The following TRIM71 variants were observed in gnomAD, a reference collection of about 807,000 sequenced individuals.
TRIM71 encodes tripartite motif containing 71.
In TRIM71, 9 loss-of-function variants were observed where a neutral mutation model predicts 61.2. That is an observed-to-expected ratio of 0.15 (90% CI 0.09 to 0.26). The LOEUF (loss-of-function observed/expected upper bound fraction) is 0.26. TRIM71 is among the 10% of genes least tolerant of loss of function. TRIM71 has a pLI of 1.00. For missense variants in TRIM71, 998 were observed against 1,238.7 expected, an observed-to-expected ratio of 0.81 and a Z score of 2.92; for synonymous variants, 645 against 553.2, an observed-to-expected ratio of 1.17 and a Z score of -2.33.
chr3:32,861,181 T>C (rs1263894608), intron 1 of TRIM71, among the ~76,000 whole-genome samples: 1 of 150,942 alleles, frequency 6.6e-6, no homozygotes, highest in Non-Finnish European at 1.5e-5. Context: ...ATAAAGTAAA[T>C]AATCTTTTTT....
intron 2 of TRIM71, among the ~76,000 whole-genome samples, chr3:32,882,130 T>G (rs1326682276): frequency 6.9e-6 from 1 of 144,298 alleles, no homozygotes; most frequent in Non-Finnish European, 1.6e-5. Flanking sequence ...GGTGTTTTTG[T>G]TTTTTTATTT....
chr3:32,833,184 T>TAAAAAAAAAAAAAAAAAAAAAAAAAA lies in TRIM71; in HGVS notation c.852+14255_852+14280dup, dbSNP rs1182178339. On this transcript the variant is annotated intron_variant, in intron 1 of 3. Coordinates refer to ENST00000383763, the MANE Select transcript of TRIM71 (RefSeq NM_001039111.3). ...GGTGACAAGAATGAAACTCTGTCTT[T>TAAAAAAAAAAAAAAAAAAAAAAAAAA]AAAAAAAAAAAAAAAAAAAAAAAAA... Among the ~76,000 whole-genome samples the TAAAAAAAAAAAAAAAAAAAAAAAAAA allele has an allele frequency of 5.1e-4, 28 of 54,430 alleles. 1 individual carries two copies. Among genetic ancestry groups the TAAAAAAAAAAAAAAAAAAAAAAAAAA allele is most frequent in the East Asian group, 8.6e-4 (1 of 1,158 alleles). 35.7% of individuals were successfully genotyped at this position (54,430 alleles called of 152,430 possible).
chr3:32,856,920 C>G (rs1033181308), intron 1 of TRIM71, among the ~76,000 whole-genome samples: 2 of 152,160 alleles, frequency 1.3e-5, no homozygotes, highest in Non-Finnish European at 2.9e-5. Context: ...CCACCACCAC[C>G]CCGAGAGGAA....
chr3:32,876,365 C>G (rs888975502), intron 2 of TRIM71, among the ~76,000 whole-genome samples: 2 of 152,194 alleles, frequency 1.3e-5, no homozygotes, highest in Admixed American at 6.5e-5. Flanking sequence ...GGGTAGATCA[C>G]CTGAGGTCAG....
chr3:32,887,766 A>G (rs937157119), intron 3 of TRIM71, among the ~76,000 whole-genome samples: 1 of 152,132 alleles, frequency 6.6e-6, no homozygotes, highest in Non-Finnish European at 1.5e-5. Context: ...TAATGGGCAA[A>G]TATTCTTTAA....
Position 32,893,788 on chromosome 3 carries a change from T to C in TRIM71, c.*1977T>C, listed in dbSNP as rs1375679630. 2 of 152,156 alleles carry C rather than the reference T, an allele frequency of 1.3e-5. No individual in the cohort carries two copies. The highest frequency in any genetic ancestry group is 2.9e-5 in the Non-Finnish European group (2 of 68,022). 9.4% of individuals were successfully genotyped at this position (152,156 alleles called of 1,614,324 possible). On this transcript the variant is annotated 3_prime_UTR_variant, in exon 4 of 4. Coordinates refer to ENST00000383763, the MANE Select transcript of TRIM71 (RefSeq NM_001039111.3). The stretch of plus-strand genomic sequence containing the variant: ...CACCTCTTTTGGACGTTTAATTTAC[T>C]ACTACTACAAGCTACTCTGTCTCTT...
chr3:32,822,629 A>G (rs1030589489), intron 1 of TRIM71, among the ~76,000 whole-genome samples: 13 of 151,908 alleles, frequency 8.6e-5, no homozygotes, highest in African/African-American at 2.4e-4. Context: ...TCAGGTCTGC[A>G]TATACTCAGT....
rs1697057543 is a variant in TRIM71, at chr3:32,894,308, G to A, written c.*2497G>A. The A allele has an allele frequency of 6.6e-6, 1 of 152,088 alleles. No homozygotes were observed. The highest frequency in any genetic ancestry group is 6.5e-5 in the Admixed American group (1 of 15,268). The allele number at this position is 152,088 out of a possible 1,614,324, so 9.4% of individuals were successfully genotyped here. On this transcript the variant is annotated 3_prime_UTR_variant, in exon 4 of 4. Coordinates refer to ENST00000383763, the MANE Select transcript of TRIM71 (RefSeq NM_001039111.3). ...TTTCTTTCTAATTTCCCCAGATGTA[G>A]GAAAATTTTGGGACCTGAATGAGAA...
rs1697068456 is a variant in TRIM71, at chr3:32,895,524, C to G, written c.*3713C>G. 1 of 152,172 alleles carries G rather than the reference C, an allele frequency of 6.6e-6. No homozygotes were observed. Among genetic ancestry groups the G allele is most frequent in the Non-Finnish European group, 1.5e-5 (1 of 68,030 alleles). 9.4% of individuals were successfully genotyped at this position (152,172 alleles called of 1,614,324 possible). A position where few individuals can be genotyped will look rare whatever the true frequency, so the allele number is the denominator to read the frequency against. On this transcript the variant is annotated 3_prime_UTR_variant, in exon 4 of 4. Coordinates refer to ENST00000383763, the MANE Select transcript of TRIM71 (RefSeq NM_001039111.3). ...CTCGTTGGAAGATTCTACGATTGCT[C>G]TGTTCTGGTAGGTGGTGAAAGATAT...
intron 1 of TRIM71, among the ~76,000 whole-genome samples, chr3:32,842,424 G>A (rs758372382): frequency 2.6e-5 from 4 of 152,190 alleles, no homozygotes; most frequent in Non-Finnish European, 4.4e-5. Flanking sequence ...TAAAAATTGA[G>A]TATGATGGGG....
rs1410729125 is a variant in TRIM71 at position 32,897,098 on chromosome 3, A to T, written c.*5287A>T. ...GGTGGGTGGGAGGGTTGTTAAACTG[A>T]ATCTTGCTTAATACTGTCCATTAGC... is the stretch of plus-strand genomic sequence containing the variant. On this transcript the variant is annotated 3_prime_UTR_variant, in exon 4 of 4. Transcript: ENST00000383763. 6.6e-6 allele frequency: 1 copy of T among 151,960 alleles called. No homozygotes were observed. The highest frequency in any genetic ancestry group is 2.4e-5 in the African/African-American group (1 of 41,378). 9.4% of individuals were successfully genotyped at this position (151,960 alleles called of 1,614,324 possible).
intron 1 of TRIM71, among the ~76,000 whole-genome samples, chr3:32,853,639 A>G (rs1224906507): frequency 6.6e-6 from 1 of 152,106 alleles, no homozygotes; most frequent in Non-Finnish European, 1.5e-5. Context: ...TTTCCTGAGG[A>G]GAAATGGAAG....
intron 1 of TRIM71, among the ~76,000 whole-genome samples, chr3:32,847,463 G>T (rs919028666): frequency 6.6e-6 from 1 of 152,130 alleles, no homozygotes; most frequent in African/African-American, 2.4e-5. Flanking sequence ...CCAAAGTGCC[G>T]GGATTACAGG....
At chr3:32,861,975 A>G (rs1474559550) in intron 1 of TRIM71, among the ~76,000 whole-genome samples, 3 of 152,236 alleles carry the variant, frequency 2.0e-5, no homozygotes, top group Admixed American at 2.0e-4. Flanking sequence ...ACTGCTTCCC[A>G]GGATTGGTCA....
chr3:32,880,506 A>G (rs1322735875), intron 2 of TRIM71, among the ~76,000 whole-genome samples: 6 of 152,230 alleles, frequency 3.9e-5, no homozygotes, highest in African/African-American at 1.2e-4. Context: ...TATGACTTTA[A>G]AGAGACTCAC....
intron 1 of TRIM71, among the ~76,000 whole-genome samples, chr3:32,832,996 G>A (rs1440929225): frequency 1.3e-5 from 2 of 151,754 alleles, no homozygotes; most frequent in Non-Finnish European, 2.9e-5. Context: ...AACACATGGT[G>A]AAACCCCGTC....
chr3:32,866,839 T>C (rs991462568), intron 1 of TRIM71, among the ~76,000 whole-genome samples: 1 of 151,642 alleles, frequency 6.6e-6, no homozygotes, highest in Non-Finnish European at 1.5e-5. Context: ...TGGAGAGGAG[T>C]AATGGCAACT....
At chr3:32,887,481 C>CTTTTT (rs10615630) in intron 3 of TRIM71, among the ~76,000 whole-genome samples, 11 of 110,008 alleles carry the variant, frequency 1.0e-4, no homozygotes, top group African/African-American at 1.1e-4. Flanking sequence ...TAATTACTGA[C>CTTTTT]TTTTTTTTTT....
chr3:32,836,343 C>A (rs1421670489), intron 1 of TRIM71, among the ~76,000 whole-genome samples: 3 of 151,902 alleles, frequency 2.0e-5, no homozygotes, highest in Admixed American at 2.0e-4. Flanking sequence ...CATATGTTTA[C>A]TGGCCATTTG....
Sources: allele counts gnomAD v4.1 joint callset (sites outside exome capture counted in the v4.1 genomes callset), GRCh38; gene constraint gnomAD v4.1.1; transcripts MANE v1.5; gene names NCBI Gene and HGNC (gene_info 2026-07-23, HGNC 2026-07-21).